The following PHYKPL variants were observed in gnomAD, a reference collection of about 807,000 sequenced individuals.
PHYKPL encodes the protein 5-phosphonooxy-L-lysine phospho-lyase.
Under a neutral mutation model 51.3 loss-of-function variants are expected in PHYKPL, and 42 were observed. That is an observed-to-expected ratio of 0.82 (90% CI 0.64 to 1.06). The LOEUF (loss-of-function observed/expected upper bound fraction) is 1.06. PHYKPL is among the 50% of genes least tolerant of loss of function. PHYKPL has a pLI of 0.00. For missense variants in PHYKPL, 655 were observed against 586.6 expected, an observed-to-expected ratio of 1.12 and a Z score of -1.20; for synonymous variants, 264 against 236.0, an observed-to-expected ratio of 1.12 and a Z score of -1.09.
intron 11 of PHYKPL, among the ~76,000 whole-genome samples, chr5:178,212,256 AT>A (rs1758685968): frequency 6.6e-6 from 1 of 152,030 alleles, no homozygotes; most frequent in South Asian, 2.1e-4. Context: ...ACCACTTCCA[AT>A]TTGTGTCTAG....
In PHYKPL at chr5:178,212,945, T is replaced by G. The variant is rs780526437; in HGVS notation, c.1303+28A>C. On this transcript the variant is annotated intron_variant, in intron 11 of 12. Transcript: ENST00000308158. ...CTGGCTTCAGGCTGAGTTCTAGAGA[T>G]ATGGCCAAGCTCAGGCTTCAAGCTC... 4.3e-6 allele frequency: 7 copies of G among 1,612,682 alleles called. No individual in the cohort carries two copies. The East Asian group carries it at 1.1e-4, about 26-fold the overall frequency.
chr5:178,222,392 C>T lies in PHYKPL; in HGVS notation c.890G>A (p.Arg297Lys), dbSNP rs1455533444. Reference sequence around the variant, plus strand: ...CTCAACGCCGGTGGCTTCAAATGCCCTCGCCACAGGCTGGGTTGCGGCCAC... The same window carrying T: ...CTCAACGCCGGTGGCTTCAAATGCCTTCGCCACAGGCTGGGTTGCGGCCAC... ...ACVAATQPVA[R>K]AFEATGVEYF... is the part of the protein sequence containing the mutation. Residue 297 changes from arginine to lysine, a missense_variant, in exon 8 of 13, where the codon AGG (arginine) becomes AAG (lysine). By Grantham distance (26) the Arg-to-Lys change is conservative. Transcript: ENST00000308158. 2 of 1,613,904 alleles carry T rather than the reference C, an allele frequency of 1.2e-6. No homozygotes were observed. Among genetic ancestry groups the T allele is most frequent in the Non-Finnish European group, 1.7e-6 (2 of 1,179,874 alleles).
chr5:178,209,280 C>A, intron 12 of PHYKPL: 1 of 1,451,192 alleles, frequency 6.9e-7, no homozygotes, highest in Non-Finnish European at 9.7e-7. Context: ...TGGGCAGTCA[C>A]TGCCCTGAGT....
At chr5:178,210,029 T>C in intron 12 of PHYKPL, 1 of 1,514,914 alleles carries the variant, frequency 6.6e-7, no homozygotes, top group Non-Finnish European at 8.9e-7. Flanking sequence ...TCTGCCTGAG[T>C]TGCCACAGTA....
chr5:178,228,420 C>A, intron 3 of PHYKPL: 1 of 642,374 alleles, frequency 1.6e-6, no homozygotes, highest in South Asian at 1.8e-5. Flanking sequence ...TTGGATTTGG[C>A]AACATGGAAG....
At chr5:178,232,395 G>A (rs1334784831) in intron 1 of PHYKPL, 97 bp downstream of exon 1, 5 of 1,326,184 alleles carry the variant, frequency 3.8e-6, no homozygotes, top group Admixed American at 4.1e-5. Context: ...CTTCCTAGCC[G>A]GAGGCGCGTG....
At chr5:178,216,443 G>C (rs537221773) in intron 8 of PHYKPL, 1 of 152,286 alleles carries the variant, frequency 6.6e-6, no homozygotes, top group East Asian at 1.9e-4. Flanking sequence ...CTAATGGTTA[G>C]AGGACCACTA....
intron 10 of PHYKPL, among the ~76,000 whole-genome samples, chr5:178,213,748 G>A (rs958817467): frequency 2.0e-5 from 3 of 152,184 alleles, no homozygotes; most frequent in African/African-American, 7.2e-5. Flanking sequence ...ATTTCTTGGG[G>A]GTGGGGAGTG....
chr5:178,213,870 TCTTGCCAC>T (rs1286753283), intron 10 of PHYKPL, among the ~76,000 whole-genome samples: 3 of 152,228 alleles, frequency 2.0e-5, no homozygotes, highest in Non-Finnish European at 4.4e-5. Flanking sequence ...CAGATCTAGC[TCTTGCCAC>T]CTAGCAGGGT....
chr5:178,210,127 C>G (rs367725199), intron 12 of PHYKPL: 34 of 1,613,966 alleles, frequency 2.1e-5, no homozygotes, highest in Middle Eastern at 1.6e-4. Flanking sequence ...CTGCTCCCCC[C>G]ACAGGTCAGA....
chr5:178,208,141 G>GGGT (rs573034513), downstream of PHYKPL, among the ~76,000 whole-genome samples: 38 of 152,218 alleles, frequency 2.5e-4, no homozygotes, highest in Non-Finnish European at 5.0e-4. Context: ...GTCAGGGAAA[G>GGGT]GGTAGTTCAG....
chr5:178,220,518 G>C (rs917699363), intron 8 of PHYKPL, among the ~76,000 whole-genome samples: 24 of 151,970 alleles, frequency 1.6e-4, no homozygotes, highest in African/African-American at 5.8e-4. Context: ...AACAAAAAAG[G>C]ATATACACTA....
chr5:178,226,310 AC>A (rs527428307), intron 3 of PHYKPL, among the ~76,000 whole-genome samples: 222 of 150,882 alleles, frequency 1.5e-3, no homozygotes, highest in African/African-American at 5.0e-3. Context: ...CTCCTGATCC[AC>A]CCGCCTCGGC....
chr5:178,230,188 G>C (rs1039738385), intron 2 of PHYKPL, 89 bp from the exon 3 acceptor site: 1 of 1,521,112 alleles, frequency 6.6e-7, no homozygotes, highest in Non-Finnish European at 9.0e-7. Context: ...AACCCAGCCA[G>C]AAGAGATGTA....
At chr5:178,207,354 G>A (rs938784496), downstream of PHYKPL, 12 of 1,091,068 alleles carry the variant, frequency 1.1e-5, no homozygotes, top group Admixed American at 4.8e-5. Context: ...TCTCTGAAGC[G>A]TATGCTGCCC....
At chr5:178,208,172 A>C (rs1757181088), downstream of PHYKPL, among the ~76,000 whole-genome samples, 1 of 151,974 alleles carries the variant, frequency 6.6e-6, no homozygotes, top group South Asian at 2.1e-4. Context: ...GGCAGTTGGG[A>C]GTTGAGGGTG....
chr5:178,225,670 A>G, intron 3 of PHYKPL: 1 of 539,842 alleles, frequency 1.9e-6, no homozygotes, highest in Non-Finnish European at 3.3e-6. Flanking sequence ...CGTATGTGTC[A>G]TGAAAGTTGT....
chr5:178,232,814 A>ACGCGCCCCGGGCCTCGCCCCGCAGGC, upstream of PHYKPL: 1 of 289,528 alleles, frequency 3.5e-6, no homozygotes, highest in Non-Finnish European at 5.9e-6. Context: ...TGGTTCCGGG[A>ACGCGCCCCGGGCCTCGCCCCGCAGGC]CGCGCCCCGG....
At chr5:178,210,333 G>A (rs1757839113) in intron 12 of PHYKPL, 4 of 1,607,106 alleles carry the variant, frequency 2.5e-6, no homozygotes, top group Admixed American at 1.7e-5. Flanking sequence ...AGGCAGGACA[G>A]TGTAGGAGCC....
Sources: allele counts gnomAD v4.1 joint callset (sites outside exome capture counted in the v4.1 genomes callset), GRCh38; gene constraint gnomAD v4.1.1; transcripts MANE v1.5; gene names NCBI Gene and HGNC (gene_info 2026-07-23, HGNC 2026-07-21).